The following SGCD variants were observed in gnomAD, a reference collection of about 807,000 sequenced individuals.
SGCD encodes sarcoglycan delta, also known as delta-sarcoglycan.
A neutral mutation model predicts 36.6 loss-of-function variants in SGCD; 18 were observed. The observed-to-expected ratio is 0.49, with a 90% CI of 0.34 to 0.73. The LOEUF is 0.73. Ranked by LOEUF, SGCD falls within the 30% of genes least tolerant of loss-of-function variation. The pLI is 0.01. For synonymous variants in SGCD, 133 were observed against 130.6 expected, an observed-to-expected ratio of 1.02 and a Z score of -0.12; for missense variants, 387 against 346.7, an observed-to-expected ratio of 1.12 and a Z score of -0.92.
intron 3 of SGCD, among the ~76,000 whole-genome samples, chr5:156,275,041 G>A (rs998628098): frequency 2.1e-4 from 32 of 152,120 alleles, no homozygotes; most frequent in African/African-American, 7.7e-4. Flanking sequence ...TGGGAGAAAT[G>A]TTCTGATTGT....
the SGCD span, among the ~76,000 whole-genome samples, chr5:155,792,170 A>G: frequency 6.6e-6 from 1 of 152,188 alleles, no homozygotes; most frequent in Non-Finnish European, 1.5e-5. Flanking sequence ...TTCCTATTCA[A>G]TAAATGGTGC....
At chr5:156,072,456 GC>G (rs1760608097) in intron 1 of SGCD, among the ~76,000 whole-genome samples, 1 of 151,836 alleles carries the variant, frequency 6.6e-6, no homozygotes, top group African/African-American at 2.4e-5. Flanking sequence ...TTGAATATTG[GC>G]CCCCACTCTC....
intron 3 of SGCD, among the ~76,000 whole-genome samples, chr5:156,369,647 G>A (rs1770281324): frequency 6.6e-6 from 1 of 152,120 alleles, no homozygotes; most frequent in Non-Finnish European, 1.5e-5. Flanking sequence ...GCTTTTAGAG[G>A]CATTTGATAG....
At chr5:156,103,727 G>A (rs1761578946) in intron 1 of SGCD, among the ~76,000 whole-genome samples, 1 of 152,048 alleles carries the variant, frequency 6.6e-6, no homozygotes. Context: ...TGATATATTA[G>A]ATTTAGAACT....
chr5:155,854,855 C>T, the SGCD span, among the ~76,000 whole-genome samples: 5 of 152,084 alleles, frequency 3.3e-5, no homozygotes, highest in African/African-American at 9.7e-5. Flanking sequence ...TCACTTAAGT[C>T]GAGACACTTA....
intron 4 of SGCD, among the ~76,000 whole-genome samples, chr5:156,559,905 G>GT (rs746152648): frequency 6.6e-6 from 1 of 152,158 alleles, no homozygotes; most frequent in Non-Finnish European, 1.5e-5. Flanking sequence ...GTCAGTTTCT[G>GT]TCTAATGATA....
At chr5:155,815,142 T>C in the SGCD span, among the ~76,000 whole-genome samples, 2 of 152,202 alleles carry the variant, frequency 1.3e-5, no homozygotes, top group East Asian at 1.9e-4. Flanking sequence ...GTATACCAGG[T>C]CAAATAATAT....
At chr5:155,758,623 C>T in the SGCD span, among the ~76,000 whole-genome samples, 3 of 152,156 alleles carry the variant, frequency 2.0e-5, no homozygotes, top group Non-Finnish European at 4.4e-5. Context: ...ATTTGATTCT[C>T]ACAGGAGCAC....
At chr5:156,596,291 T>G (rs1213996945) in intron 6 of SGCD, among the ~76,000 whole-genome samples, 1 of 152,196 alleles carries the variant, frequency 6.6e-6, no homozygotes, top group Non-Finnish European at 1.5e-5. Flanking sequence ...GGCTCTAGAA[T>G]TAGCCTGTTT....
At chr5:155,887,168 G>T (rs1255177795) in intron 1 of SGCD, among the ~76,000 whole-genome samples, 2 of 152,162 alleles carry the variant, frequency 1.3e-5, no homozygotes, top group Admixed American at 1.3e-4. Flanking sequence ...CACAGGGATT[G>T]CTTCCTAAGA....
intron 1 of SGCD, among the ~76,000 whole-genome samples, chr5:155,922,120 A>G (rs17053002): frequency 0.13 from 19,475 of 152,204 alleles, 1,704 homozygotes; most frequent in African/African-American, 0.25. Context: ...AACTAGCTCT[A>G]TGGCAAGTGG....
the SGCD span, among the ~76,000 whole-genome samples, chr5:155,849,611 A>G: frequency 3.3e-5 from 5 of 152,214 alleles, no homozygotes; most frequent in African/African-American, 4.8e-5. Flanking sequence ...TTAGGATGTA[A>G]TGACATTAAC....
chr5:156,708,850 G>T (rs1339214630), intron 7 of SGCD, among the ~76,000 whole-genome samples: 1 of 152,102 alleles, frequency 6.6e-6, no homozygotes, highest in Non-Finnish European at 1.5e-5. Flanking sequence ...AATTCTTAGA[G>T]AAGTGACAAG....
intron 4 of SGCD, among the ~76,000 whole-genome samples, chr5:156,508,996 T>C (rs1210061539): frequency 1.3e-5 from 2 of 152,208 alleles, no homozygotes; most frequent in Admixed American, 6.5e-5. Flanking sequence ...ATAAATAATA[T>C]ATGAATGCAG....
At chr5:156,184,737 C>T (rs912788284) in intron 3 of SGCD, among the ~76,000 whole-genome samples, 2 of 152,132 alleles carry the variant, frequency 1.3e-5, no homozygotes, top group Non-Finnish European at 2.9e-5. Context: ...AGCAAGAGTT[C>T]ATTCATTTTG....
the SGCD span, among the ~76,000 whole-genome samples, chr5:155,795,832 G>C: frequency 6.6e-6 from 1 of 152,146 alleles, no homozygotes; most frequent in Non-Finnish European, 1.5e-5. Context: ...GCAAAAGACA[G>C]CTGCTAGAGT....
At chr5:156,165,539 C>A (rs1425256602) in intron 3 of SGCD, among the ~76,000 whole-genome samples, 2 of 152,128 alleles carry the variant, frequency 1.3e-5, no homozygotes, top group African/African-American at 2.4e-5. Flanking sequence ...GATGATGGAT[C>A]CCAGATGTTT....
intron 1 of SGCD, among the ~76,000 whole-genome samples, chr5:156,089,807 A>G (rs1250287759): frequency 6.6e-6 from 1 of 152,204 alleles, no homozygotes; most frequent in Admixed American, 6.5e-5. Context: ...AGGTAAGTCC[A>G]TATTAGGTTG....
At chr5:156,719,389 A>G (rs977351175) in intron 7 of SGCD, among the ~76,000 whole-genome samples, 3 of 151,520 alleles carry the variant, frequency 2.0e-5, no homozygotes, top group African/African-American at 7.3e-5. Context: ...AGATATATAT[A>G]TGATGTATAT....
Sources: gnomAD v4.1 joint callset for allele counts (sites outside exome capture counted in the v4.1 genomes callset) on GRCh38, gnomAD v4.1.1 for gene constraint, MANE v1.5 for transcripts, NCBI Gene and HGNC (gene_info 2026-07-23, HGNC 2026-07-21) for gene names.